The following PSIP1 variants were observed in gnomAD, a reference collection of about 807,000 sequenced individuals.
PSIP1 encodes the protein PC4 and SFRS1-interacting protein.
A neutral mutation model predicts 74.7 loss-of-function variants in PSIP1; 19 were observed. The ratio of observed to expected loss-of-function variants is 0.25; its 90% CI spans 0.18 to 0.37. The LOEUF (loss-of-function observed/expected upper bound fraction) is 0.37. PSIP1 is among the 10% of genes least tolerant of loss of function. The pLI, the probability that PSIP1 is intolerant of heterozygous loss-of-function variation, is 1.00. For synonymous variants in PSIP1, 222 were observed against 195.3 expected, an observed-to-expected ratio of 1.14 and a Z score of -1.14; for missense variants, 601 against 614.3, an observed-to-expected ratio of 0.98 and a Z score of 0.23.
chr9:15,475,103 A>AT (rs2036018775), intron 8 of PSIP1, among the ~76,000 whole-genome samples: 1 of 152,194 alleles, frequency 6.6e-6, no homozygotes, highest in Non-Finnish European at 1.5e-5. Flanking sequence ...CAGACAAGTG[A>AT]TTCCCTGACC....
At chr9:15,504,865 C>T (rs562517636) in intron 3 of PSIP1, 3 of 151,964 alleles carry the variant, frequency 2.0e-5, no homozygotes, top group East Asian at 1.9e-4. Flanking sequence ...CAAACTTCAA[C>T]GTAAATCAGA....
At chr9:15,500,723 A>G (rs1037878151) in intron 3 of PSIP1, among the ~76,000 whole-genome samples, 10 of 152,216 alleles carry the variant, frequency 6.6e-5, no homozygotes, top group Non-Finnish European at 1.3e-4. Flanking sequence ...ATGTATATTT[A>G]AAGTTCCTAA....
Position 15,464,892 on chromosome 9 carries a change from CTCAGTTCCATG to C in PSIP1, c.*617_*627del, listed in dbSNP as rs2035507062. On this transcript the variant is annotated 3_prime_UTR_variant, in exon 16 of 16. Transcript: ENST00000380733. ...TTAATGTTTTATAGTTTGTAGAATT[CTCAGTTCCATG>C]TCAGTTGCTTAATTAGTTGTCATAC... 4.7e-6 allele frequency: 1 copy of C among 213,542 alleles called. No homozygotes were observed. Among genetic ancestry groups the C allele is most frequent in the African/African-American group, 2.3e-5 (1 of 44,240 alleles). The allele number at this position is 213,542 out of a possible 1,614,324, so 13.2% of individuals were successfully genotyped here.
intron 4 of PSIP1, among the ~76,000 whole-genome samples, chr9:15,488,759 G>T (rs150231407): frequency 5.3e-5 from 8 of 150,716 alleles, no homozygotes; most frequent in Admixed American, 1.3e-4. Flanking sequence ...CAGTGGCTCA[G>T]GCCTGTAATC....
chr9:15,471,174 A>G (rs759085494), intron 10 of PSIP1: 1 of 1,607,490 alleles, frequency 6.2e-7, no homozygotes, highest in South Asian at 1.1e-5. Context: ...AACTGGATTA[A>G]TGCTTTGAGC....
At chr9:15,471,634 G>GAGCT in intron 10 of PSIP1, 1 of 952,770 alleles carries the variant, frequency 1.0e-6, no homozygotes, top group Non-Finnish European at 1.2e-6. Context: ...TAATATTTTT[G>GAGCT]AGCTTTAGAT....
Position 15,474,134 on chromosome 9 carries a change from TTGGCTTATCTTC to T in PSIP1, c.721_732del (p.Glu241_Pro244del). 1 of 1,613,770 alleles carries T rather than the reference TTGGCTTATCTTC, an allele frequency of 6.2e-7. No individual in the cohort carries two copies. The highest frequency in any genetic ancestry group is 8.5e-7 in the Non-Finnish European group (1 of 1,179,900). Reference sequence around the variant, plus strand: ...CCCTCTTTTTTATCCGGCTCTTTTCTTGGCTTATCTTCTTCCTTCTGGCCCTCTTCATCCTTC... The same window carrying T: ...CCCTCTTTTTTATCCGGCTCTTTTCTTTCCTTCTGGCCCTCTTCATCCTTC... On this transcript the variant is annotated inframe_deletion, in exon 9 of 16. Transcript: ENST00000380733.
rs371783377 is a variant in PSIP1 at position 15,500,286 on chromosome 9, A to G, written c.149+6275T>C. ...CAAGACCATCCTGGCTATCACGGTG[A>G]AACCCGGTCTCTACTAAAAACACAA... On this transcript the variant is annotated intron_variant, in intron 3 of 15. Transcript: ENST00000380733. Among the ~76,000 whole-genome samples the G allele has an allele frequency of 3.3e-5, 5 of 152,082 alleles. No individual in the cohort carries two copies. In the East Asian group the frequency reaches 7.8e-4, roughly 24 times the overall value.
At chr9:15,502,806 T>C (rs1310023301) in intron 3 of PSIP1, among the ~76,000 whole-genome samples, 1 of 152,228 alleles carries the variant, frequency 6.6e-6, no homozygotes, top group Non-Finnish European at 1.5e-5. Context: ...CTGAATATGT[T>C]AGGTTTAAAA....
In PSIP1 at chr9:15,465,494, G is replaced by A. The variant is rs370444650; in HGVS notation, c.*26C>T. ...GAAAACCATTACAAACTTCTCAAGT[G>A]TTCTCTATATTCCAGGTATGTCAAC... On this transcript the variant is annotated 3_prime_UTR_variant, in exon 16 of 16. Coordinates refer to ENST00000380733, the MANE Select transcript of PSIP1 (RefSeq NM_033222.5). 3.2e-5 allele frequency: 48 copies of A among 1,497,298 alleles called. No individual in the cohort carries two copies. Among genetic ancestry groups the A allele is most frequent in the Non-Finnish European group, 2.7e-6 (3 of 1,093,016 alleles). 92.8% of individuals were successfully genotyped at this position (1,497,298 alleles called of 1,614,324 possible). A position where few individuals can be genotyped will look rare whatever the true frequency, so the allele number is the denominator to read the frequency against.
At chr9:15,487,844 T>C (rs549806545) in intron 4 of PSIP1, among the ~76,000 whole-genome samples, 1 of 152,262 alleles carries the variant, frequency 6.6e-6, no homozygotes, top group East Asian at 1.9e-4. Context: ...TACAGACAAG[T>C]ACAGAAACAA....
intron 3 of PSIP1, among the ~76,000 whole-genome samples, chr9:15,500,491 A>G (rs962633356): frequency 6.6e-6 from 1 of 152,146 alleles, no homozygotes; most frequent in Non-Finnish European, 1.5e-5. Context: ...AGAGATGAAT[A>G]AACAGTTCAT....
At chr9:15,469,194 A>G (rs1232242846) in intron 12 of PSIP1, 72 bp downstream of exon 12, 1 of 1,312,890 alleles carries the variant, frequency 7.6e-7, no homozygotes, top group Non-Finnish European at 1.1e-6. Context: ...CATACTCATA[A>G]GATCATGTGA....
intron 5 of PSIP1, 92 bp from the exon 6 acceptor site, chr9:15,486,160 T>C: frequency 9.7e-7 from 1 of 1,027,874 alleles, no homozygotes. Flanking sequence ...CACGTTTAAC[T>C]GAAAGCATTG....
chr9:15,466,127 CCCAACACTGG>C lies in PSIP1; in HGVS notation c.1533-557_1533-548del, dbSNP rs546195728. 6.0e-5 allele frequency among the ~76,000 whole-genome samples: 9 copies of C among 151,224 alleles called. No homozygotes were observed. The South Asian group carries it at 1.7e-3, about 28-fold the overall frequency. ...GGGCATGTTGGCTCACAGCTGTAAT[CCCAACACTGG>C]GAAGCCAAGGTGGGTGGATCACCTG... On this transcript the variant is annotated intron_variant, in intron 15 of 15. Coordinates refer to ENST00000380733, the MANE Select transcript of PSIP1 (RefSeq NM_033222.5).
chr9:15,487,711 T>C (rs976009809), intron 4 of PSIP1, among the ~76,000 whole-genome samples: 3 of 152,218 alleles, frequency 2.0e-5, no homozygotes, highest in African/African-American at 7.2e-5. Context: ...GCAATAATGA[T>C]AAGAAACCAT....
chr9:15,497,649 G>C (rs2037146477), intron 3 of PSIP1, among the ~76,000 whole-genome samples: 1 of 151,958 alleles, frequency 6.6e-6, no homozygotes, highest in South Asian at 2.1e-4. Context: ...GAAGTGCCCA[G>C]AATAGGAAGA....
At chr9:15,475,420 C>T (rs2036034230) in intron 8 of PSIP1, among the ~76,000 whole-genome samples, 1 of 152,066 alleles carries the variant, frequency 6.6e-6, no homozygotes, top group Non-Finnish European at 1.5e-5. Flanking sequence ...ACAATACTGG[C>T]CAACTACTTC....
At chr9:15,469,763 C>T (rs1343921104) in intron 11 of PSIP1, among the ~76,000 whole-genome samples, 175 bp downstream of exon 11, 1 of 152,068 alleles carries the variant, frequency 6.6e-6, no homozygotes, top group African/African-American at 2.4e-5. Context: ...AGCAAGTTCA[C>T]TTGATTATGC....
Sources: allele counts gnomAD v4.1 joint callset (sites outside exome capture counted in the v4.1 genomes callset), GRCh38; gene constraint gnomAD v4.1.1; transcripts MANE v1.5; gene names NCBI Gene and HGNC (gene_info 2026-07-23, HGNC 2026-07-21).